Variants in ZFHX3 observed in about 807,000 individuals in gnomAD.
ZFHX3 encodes zinc finger homeobox protein 3.
Under a neutral mutation model 279.1 loss-of-function variants are expected in ZFHX3, and 42 were observed. The observed-to-expected ratio is 0.15, with a 90% confidence interval of 0.12 to 0.19. The LOEUF is 0.19. Ranked by LOEUF, ZFHX3 falls within the 10% of genes least tolerant of loss-of-function variation. The pLI is 1.00. For synonymous variants in ZFHX3, 2,293 were observed against 1,957.8 expected (o/e 1.17, Z -4.52); for missense variants, 4,981 against 4,754.0 (o/e 1.05, Z -1.40).
chr16:73,349,860 C>T (rs1567457636), intron 3 of ZFHX3, among the ~76,000 whole-genome samples: 1 of 140,944 alleles, frequency 7.1e-6, no homozygotes, highest in Non-Finnish European at 1.5e-5. Flanking sequence ...TCCCTCTCTT[C>T]CTTTCTTCCC....
intron 2 of ZFHX3, among the ~76,000 whole-genome samples, chr16:73,509,669 C>T (rs1476442449): frequency 2.0e-4 from 28 of 140,454 alleles, no homozygotes; most frequent in African/African-American, 5.8e-4. Context: ...GGATTATAGG[C>T]GCCCACCACC....
chr16:73,341,648 G>A (rs2016036275), intron 3 of ZFHX3, among the ~76,000 whole-genome samples: 1 of 152,118 alleles, frequency 6.6e-6, no homozygotes, highest in Admixed American at 6.5e-5. Context: ...ATTCGTAATA[G>A]ACTAATGGTG....
intron 1 of ZFHX3, among the ~76,000 whole-genome samples, chr16:73,877,531 C>A (rs1298002023): frequency 6.6e-6 from 1 of 152,128 alleles, no homozygotes; most frequent in Non-Finnish European, 1.5e-5. Flanking sequence ...CAGATGAAAA[C>A]TTAATCCTGA....
intron 1 of ZFHX3, among the ~76,000 whole-genome samples, chr16:72,987,883 C>T (rs982273445): frequency 6.6e-6 from 1 of 152,220 alleles, no homozygotes; most frequent in East Asian, 1.9e-4. Context: ...AAAGGACAGA[C>T]AAACGCCACC....
chr16:73,078,354 G>C (rs1475495081), intron 8 of ZFHX3, among the ~76,000 whole-genome samples: 4 of 152,126 alleles, frequency 2.6e-5, no homozygotes, highest in Non-Finnish European at 5.9e-5. Flanking sequence ...CACAAAGGTG[G>C]CATCCTTGAA....
chr16:73,462,072 C>A (rs1597344479), intron 2 of ZFHX3, among the ~76,000 whole-genome samples: 1 of 152,068 alleles, frequency 6.6e-6, no homozygotes, highest in Admixed American at 6.6e-5. Flanking sequence ...ATATACAAGT[C>A]CTGTACATGT....
At chr16:72,966,744 G>A (rs1055431641) in intron 1 of ZFHX3, among the ~76,000 whole-genome samples, 1 of 152,356 alleles carries the variant, frequency 6.6e-6, no homozygotes, top group African/African-American at 2.4e-5. Flanking sequence ...GCCTGCCACA[G>A]GCAAGTGGGT....
Position 73,745,144 on chromosome 16 carries a change from C to T in ZFHX3, c.-1607-64904G>A, listed in dbSNP as rs149586836. On this transcript the variant is annotated intron_variant, in intron 1 of 17. Coordinates refer to the ZFHX3 transcript ENST00000641206. ...TAGGAAGGGTGGAATATTATTACCC[C>T]ATTCATCACAGACTTTTCTGGTTAT... 3.5e-4 allele frequency among the ~76,000 whole-genome samples: 53 copies of T among 152,262 alleles called. No homozygotes were observed. The East Asian group carries it at 9.5e-3, about 27-fold the overall frequency.
chr16:73,516,147 C>G (rs894771901), intron 2 of ZFHX3, among the ~76,000 whole-genome samples: 1 of 152,196 alleles, frequency 6.6e-6, no homozygotes, highest in Non-Finnish European at 1.5e-5. Context: ...TTTTGAAAAG[C>G]TACACAAGTC....
chr16:73,848,200 T>A (rs182155352), intron 1 of ZFHX3, among the ~76,000 whole-genome samples: 13 of 152,232 alleles, frequency 8.5e-5, no homozygotes, highest in Non-Finnish European at 1.0e-4. Flanking sequence ...TTGGAGCTGG[T>A]CCTACTCTCA....
chr16:72,863,982 T>G (rs1188483462), intron 4 of ZFHX3, among the ~76,000 whole-genome samples: 1 of 151,984 alleles, frequency 6.6e-6, no homozygotes, highest in African/African-American at 2.4e-5. Context: ...CTGGGCGTGG[T>G]GGTGGGTGCC....
intron 2 of ZFHX3, among the ~76,000 whole-genome samples, chr16:73,475,636 CTGTT>C: frequency 6.6e-6 from 1 of 152,090 alleles, no homozygotes; most frequent in African/African-American, 2.4e-5. Context: ...AAATTTGAAA[CTGTT>C]AACTTCCTCA....
intron 3 of ZFHX3, among the ~76,000 whole-genome samples, chr16:73,354,837 C>T (rs890887179): frequency 3.3e-5 from 5 of 152,168 alleles, no homozygotes; most frequent in Admixed American, 6.5e-5. Flanking sequence ...CCCCAAGATT[C>T]CCTCCTCTTG....
intron 2 of ZFHX3, among the ~76,000 whole-genome samples, chr16:73,597,298 G>A (rs1404571047): frequency 1.3e-5 from 2 of 152,012 alleles, no homozygotes; most frequent in Non-Finnish European, 2.9e-5. Flanking sequence ...ATAACATTTG[G>A]TCTGTATATT....
chr16:72,807,706 A>C (rs1391547013), intron 7 of ZFHX3: 3 of 152,222 alleles, frequency 2.0e-5, no homozygotes, highest in Non-Finnish European at 4.4e-5. Flanking sequence ...CTTTGGACAC[A>C]GACAGCAAAA....
chr16:73,861,364 C>T (rs974663894), intron 1 of ZFHX3, among the ~76,000 whole-genome samples: 1 of 152,006 alleles, frequency 6.6e-6, no homozygotes, highest in African/African-American at 2.4e-5. Context: ...GAGACAATCT[C>T]CAAAGCCAGA....
chr16:73,123,361 G>C (rs2144810617), intron 7 of ZFHX3: 1 of 147,580 alleles, frequency 6.8e-6, no homozygotes, highest in African/African-American at 2.5e-5. Flanking sequence ...AGAGGGGTTT[G>C]CTCTCTTTTG....
chr16:73,682,788 AAAAG>A (rs201561147), intron 1 of ZFHX3, among the ~76,000 whole-genome samples: 8,727 of 147,580 alleles, frequency 0.059, 939 homozygotes, highest in African/African-American at 0.21. Context: ...ACTTCATTTC[AAAAG>A]AAAGAAAGAA....
intron 6 of ZFHX3, among the ~76,000 whole-genome samples, chr16:73,132,648 G>A (rs772576688): frequency 2.6e-5 from 4 of 152,082 alleles, no homozygotes; most frequent in Non-Finnish European, 5.9e-5. Flanking sequence ...CATCCCGGCC[G>A]TTTCTTACAG....
Sources: gnomAD v4.1 joint callset for allele counts (sites outside exome capture counted in the v4.1 genomes callset) on GRCh38, gnomAD v4.1.1 for gene constraint, MANE v1.5 for transcripts, NCBI Gene and HGNC (gene_info 2026-07-23, HGNC 2026-07-21) for gene names.